SLC2A13: variants seen among roughly 807,000 people sequenced by gnomAD.
SLC2A13 encodes solute carrier family 2 member 13.
A neutral mutation model predicts 64.4 loss-of-function variants in SLC2A13; 32 were observed. The observed-to-expected ratio is 0.50, with a 90% CI of 0.37 to 0.67. The LOEUF is 0.67. Among genes scored for constraint, SLC2A13 ranks in the 30% least tolerant of loss-of-function variants. SLC2A13 has a pLI of 0.00. For synonymous variants in SLC2A13, 338 were observed against 327.1 expected (o/e 1.03, Z -0.36); for missense variants, 743 against 829.2 (o/e 0.90, Z 1.28).
chr12:39,766,305 G>T lies in SLC2A13; in HGVS notation c.1446-1447C>A, dbSNP rs146349191. On this transcript the variant is annotated intron_variant, in intron 7 of 9. Transcript: ENST00000280871. Reference sequence around the variant, plus strand: ...TAAAGTGGGTCACACGGATTTTTTGGTTTCCCACTACATATAAAAGTTATG... The same window carrying T: ...TAAAGTGGGTCACACGGATTTTTTGTTTTCCCACTACATATAAAAGTTATG... Among the ~76,000 whole-genome samples the T allele has an allele frequency of 6.3e-3, 959 of 152,176 alleles. 6 individuals carry two copies. The highest frequency in any genetic ancestry group is 0.022 in the African/African-American group (903 of 41,530).
At chr12:40,073,197 A>T (rs1295448674) in intron 1 of SLC2A13, among the ~76,000 whole-genome samples, 2 of 145,486 alleles carry the variant, frequency 1.4e-5, no homozygotes, top group Non-Finnish European at 3.1e-5. Flanking sequence ...TGCATTTCAC[A>T]TATAAATAAG....
In SLC2A13 at chr12:39,895,789, C is replaced by T. The variant is rs1486919202; in HGVS notation, c.1035-23828G>A. Among the ~76,000 whole-genome samples, 23 of 79,274 alleles carry T rather than the reference C, an allele frequency of 2.9e-4. 7 individuals are homozygous for T. Among genetic ancestry groups the T allele is most frequent in the East Asian group, 7.2e-4 (2 of 2,770 alleles). 52.0% of individuals were successfully genotyped at this position (79,274 alleles called of 152,430 possible). A position where few individuals can be genotyped will look rare whatever the true frequency, so the allele number is the denominator to read the frequency against. On this transcript the variant is annotated intron_variant, in intron 4 of 9. Coordinates refer to ENST00000280871, the MANE Select transcript of SLC2A13 (RefSeq NM_052885.4). The stretch of plus-strand genomic sequence containing the variant: ...ACACATGTATATGCGTGTATACGTA[C>T]ACACATGTATATGCGTGTATACGTA...
chr12:39,810,597 G>A (rs1266153834), intron 7 of SLC2A13, among the ~76,000 whole-genome samples: 1 of 152,124 alleles, frequency 6.6e-6, no homozygotes, highest in Non-Finnish European at 1.5e-5. Context: ...TAAGTATAAT[G>A]TAAGCTGTAG....
At chr12:40,052,908 G>A (rs544813775) in intron 1 of SLC2A13, among the ~76,000 whole-genome samples, 84 of 152,170 alleles carry the variant, frequency 5.5e-4, no homozygotes, top group African/African-American at 1.9e-3. Flanking sequence ...GGTTCATGAC[G>A]AGCAAATATC....
intron 1 of SLC2A13, among the ~76,000 whole-genome samples, chr12:40,070,086 G>T (rs1181352707): frequency 6.6e-6 from 1 of 151,146 alleles, no homozygotes; most frequent in Non-Finnish European, 1.5e-5. Context: ...AACCTAATTT[G>T]TCATTTATTA....
At chr12:40,011,412 T>A (rs1947529366) in intron 3 of SLC2A13, among the ~76,000 whole-genome samples, 1 of 152,218 alleles carries the variant, frequency 6.6e-6, no homozygotes, top group Admixed American at 6.5e-5. Context: ...TAATAAACTT[T>A]CTTGGGTCCT....
At chr12:39,978,476 C>A (rs1038160798) in intron 3 of SLC2A13, among the ~76,000 whole-genome samples, 1 of 152,070 alleles carries the variant, frequency 6.6e-6, no homozygotes, top group African/African-American at 2.4e-5. Context: ...GCACCGTGCG[C>A]GAGCCGAAGC....
chr12:39,963,505 T>C (rs1282625026), intron 3 of SLC2A13, among the ~76,000 whole-genome samples: 1 of 152,184 alleles, frequency 6.6e-6, no homozygotes, highest in Admixed American at 6.5e-5. Context: ...GAGTAAGACC[T>C]AGACAACAGG....
chr12:40,009,586 C>T (rs1316369515), intron 3 of SLC2A13, among the ~76,000 whole-genome samples: 1 of 152,138 alleles, frequency 6.6e-6, no homozygotes, highest in African/African-American at 2.4e-5. Flanking sequence ...TGTGCCACCA[C>T]ACCCAGCCAA....
In SLC2A13 at chr12:40,105,622, C is replaced by A. The variant is rs1242223779; in HGVS notation, c.187G>T (p.Asp63Tyr). Residue 63 changes from aspartate (D) to tyrosine (Y), a missense_variant, in exon 1 of 10, where the codon GAC (aspartate) becomes TAC (tyrosine). This residue lies in a region of SLC2A13 where 448 missense variants were observed against 447.4 expected (regional missense o/e 1.00). Coordinates refer to ENST00000280871, the MANE Select transcript of SLC2A13 (RefSeq NM_052885.4). The surrounding 1 kb of genome is among the most constrained non-coding windows in gnomAD (Gnocchi z 4.2). The stretch of plus-strand genomic sequence containing the variant: ...TGCCGCCGCGCCGCGCGCTCCAGGT[C>A]CCCGACGCCGCCGCCGCCCGCGCCC... The part of the protein sequence containing the change: ...SAGAGGGGVG[D>Y]LERAARRQFQ... The A allele has an allele frequency of 2.7e-6, 4 of 1,495,770 alleles. No individual in the cohort carries two copies. Among genetic ancestry groups the A allele is most frequent in the South Asian group, 1.3e-5 (1 of 77,000 alleles). The allele number at this position is 1,495,770 out of a possible 1,614,324, so 92.7% of individuals were successfully genotyped here. A position where few individuals can be genotyped will look rare whatever the true frequency, so the allele number is the denominator to read the frequency against.
chr12:39,901,928 A>T (rs1323663122), intron 4 of SLC2A13, among the ~76,000 whole-genome samples: 1 of 152,062 alleles, frequency 6.6e-6, no homozygotes, highest in Admixed American at 6.5e-5. Context: ...AATAGCAAAG[A>T]CTTGGAACCA....
chr12:39,831,958 C>T (rs1942863617), intron 6 of SLC2A13, among the ~76,000 whole-genome samples: 1 of 152,054 alleles, frequency 6.6e-6, no homozygotes, highest in Non-Finnish European at 1.5e-5. Flanking sequence ...TTTATAACAA[C>T]AAAAACAGAC....
chr12:39,904,160 A>G (rs1367734351), intron 4 of SLC2A13, among the ~76,000 whole-genome samples: 1 of 152,152 alleles, frequency 6.6e-6, no homozygotes, highest in East Asian at 1.9e-4. Context: ...CACAGGATGC[A>G]CTTCTTTCTT....
intron 3 of SLC2A13, among the ~76,000 whole-genome samples, chr12:39,958,350 T>C (rs572384335): frequency 1.1e-4 from 17 of 152,326 alleles, no homozygotes; most frequent in Admixed American, 2.6e-4. Flanking sequence ...AGTGTTAACA[T>C]ACCAGTCCTA....
chr12:39,826,686 T>C (rs1942686546), intron 7 of SLC2A13, among the ~76,000 whole-genome samples: 1 of 150,802 alleles, frequency 6.6e-6, no homozygotes, highest in African/African-American at 2.5e-5. Flanking sequence ...CTATGTCATT[T>C]CTCTAAAATT....
chr12:39,905,264 TTCA>T (rs950001602), intron 4 of SLC2A13, among the ~76,000 whole-genome samples: 1 of 152,084 alleles, frequency 6.6e-6, no homozygotes, highest in Non-Finnish European at 1.5e-5. Flanking sequence ...ACACCCTGCA[TTCA>T]TCATCTCTGT....
At chr12:39,925,135 C>A (rs1288567416) in intron 4 of SLC2A13, among the ~76,000 whole-genome samples, 1 of 145,804 alleles carries the variant, frequency 6.9e-6, no homozygotes, top group African/African-American at 2.5e-5. Flanking sequence ...TGAGCTAAAT[C>A]TATGCTCCCA....
chr12:39,810,856 A>G (rs1227550137), intron 7 of SLC2A13, among the ~76,000 whole-genome samples: 1 of 152,128 alleles, frequency 6.6e-6, no homozygotes, highest in African/African-American at 2.4e-5. Context: ...TCTGTATACA[A>G]GGGAGATACT....
chr12:39,976,583 T>TG (rs555695663), intron 3 of SLC2A13, among the ~76,000 whole-genome samples: 1,727 of 152,096 alleles, frequency 0.011, 35 homozygotes, highest in African/African-American at 0.038. Flanking sequence ...TTTTAAAGAC[T>TG]GGGGGGGTCT....
Sources: allele counts gnomAD v4.1 joint callset (sites outside exome capture counted in the v4.1 genomes callset), GRCh38; gene constraint gnomAD v4.1.1; regional missense constraint gnomAD v4.1.1; non-coding constraint Gnocchi (gnomAD v3.1); transcripts MANE v1.5; gene names NCBI Gene and HGNC (gene_info 2026-07-23, HGNC 2026-07-21).